The following PCDH11X variants were observed in gnomAD, a reference collection of about 807,000 sequenced individuals.
The protein encoded by PCDH11X is protocadherin 11 X-linked.
Under a neutral mutation model 53.3 loss-of-function variants are expected in PCDH11X, and 18 were observed. The observed-to-expected ratio is 0.34, with a 90% confidence interval of 0.23 to 0.50. The LOEUF (loss-of-function observed/expected upper bound fraction) is 0.50. Ranked by LOEUF, PCDH11X falls within the 20% of genes least tolerant of loss-of-function variation. The pLI, the probability that PCDH11X is intolerant of heterozygous loss-of-function variation, is 0.98. For synonymous variants in PCDH11X, 279 were observed against 393.3 expected, an observed-to-expected ratio of 0.71 and a Z score of 3.44; for missense variants, 570 against 1,032.4, an observed-to-expected ratio of 0.55 and a Z score of 6.14.
At chrX:92,527,047 T>C (rs1222630266) in intron 10 of PCDH11X, among the ~76,000 whole-genome samples, 1 of 111,613 alleles carries the variant, frequency 9.0e-6, no homozygotes, top group Non-Finnish European at 1.9e-5. Flanking sequence ...TCCCACTTTT[T>C]TGTGGGATCT....
chrX:91,963,848 A>C (rs1170412069), intron 6 of PCDH11X, among the ~76,000 whole-genome samples: 1 of 110,339 alleles, frequency 9.1e-6, no homozygotes, highest in Non-Finnish European at 1.9e-5. Context: ...CCTTCTTCAC[A>C]TGGTAACAGC....
intron 6 of PCDH11X, among the ~76,000 whole-genome samples, chrX:91,913,318 G>T (rs1436807455): frequency 9.0e-6 from 1 of 111,671 alleles, no homozygotes; most frequent in East Asian, 2.9e-4. Context: ...AGCCATGCTT[G>T]CTTTCCCAGT....
intron 6 of PCDH11X, among the ~76,000 whole-genome samples, chrX:91,928,704 A>G (rs1266576324): frequency 9.6e-6 from 1 of 104,693 alleles, no homozygotes. Flanking sequence ...TGGATAATAC[A>G]TGCCCTGAAA....
At chrX:92,361,176 C>T (rs1240257343) in intron 8 of PCDH11X, among the ~76,000 whole-genome samples, 1 of 109,730 alleles carries the variant, frequency 9.1e-6, no homozygotes, top group Non-Finnish European at 1.9e-5. Flanking sequence ...CTGAATCTTT[C>T]CTTTCACTGT....
chrX:91,782,689 C>T, intron 1 of PCDH11X, among the ~76,000 whole-genome samples: 1 of 109,575 alleles, frequency 9.1e-6, no homozygotes, highest in Admixed American at 9.6e-5. Flanking sequence ...AGGCTCTATC[C>T]ACTACTGCCA....
intron 10 of PCDH11X, among the ~76,000 whole-genome samples, chrX:92,484,121 A>ATATATG (rs1556444050): frequency 2.5e-4 from 20 of 80,992 alleles, no homozygotes; most frequent in African/African-American, 1.0e-3. Flanking sequence ...TATATATAGT[A>ATATATG]TATATATGTA....
rs929136421 is a variant in PCDH11X at position 92,399,594 on chromosome X, A to C, written c.3343+11661A>C. ...GGACTTTGAGATAAGTCTCATAGTA[A>C]AGTGCAGAAAAGCATTATAGAAAGT... On this transcript the variant is annotated intron_variant, in intron 9 of 10. Transcript: ENST00000682573. 4.5e-5 allele frequency among the ~76,000 whole-genome samples: 5 copies of C among 112,039 alleles called. No individual in the cohort carries two copies. In the Admixed American group the frequency reaches 4.7e-4, roughly 11 times the overall value.
chrX:91,923,822 A>G (rs1941836718), intron 6 of PCDH11X, among the ~76,000 whole-genome samples: 1 of 111,281 alleles, frequency 9.0e-6, no homozygotes, highest in Non-Finnish European at 1.9e-5. Flanking sequence ...GTTCTCACTT[A>G]TAAGTGGGAG....
chrX:91,828,689 G>A lies in PCDH11X; in HGVS notation c.-44-6772G>A, dbSNP rs1017787915. The stretch of plus-strand genomic sequence containing the variant: ...GTCGTAAGATTGGTTTTAAAAGGTT[G>A]CTATGTCATTTTTGCTTAGCGTTCT... On this transcript the variant is annotated intron_variant, in intron 4 of 10. Coordinates refer to ENST00000682573, the MANE Select transcript of PCDH11X (RefSeq NM_032968.5). Among the ~76,000 whole-genome samples the A allele has an allele frequency of 4.5e-5, 5 of 111,646 alleles. No homozygotes were observed. In the Admixed American group the frequency reaches 4.8e-4, roughly 11 times the overall value.
chrX:92,308,933 G>T lies in PCDH11X; in HGVS notation c.3144+45790G>T, dbSNP rs185751467. Among the ~76,000 whole-genome samples the T allele has an allele frequency of 6.1e-3, 668 of 109,702 alleles. 3 individuals are homozygous for T. The highest frequency in any genetic ancestry group is 0.021 in the African/African-American group (621 of 30,176). On this transcript the variant is annotated intron_variant, in intron 8 of 10. Coordinates refer to ENST00000682573, the MANE Select transcript of PCDH11X (RefSeq NM_032968.5). ...AAAATACAAATTAAAACCACAACAA[G>T]AAACCACTTCTCACCGATTCGAAAG... is the stretch of plus-strand genomic sequence containing the variant.
intron 7 of PCDH11X, among the ~76,000 whole-genome samples, chrX:92,220,956 A>T (rs1185106609): frequency 9.8e-6 from 1 of 102,383 alleles, no homozygotes; most frequent in Non-Finnish European, 2.0e-5. Context: ...AGAACAAAAA[A>T]CCAAACACCC....
intron 1 of PCDH11X, among the ~76,000 whole-genome samples, chrX:91,788,395 A>G (rs1435622641): frequency 7.1e-5 from 8 of 112,460 alleles, no homozygotes; most frequent in Non-Finnish European, 1.5e-4. Context: ...TTCAAGTATC[A>G]ATGCATTAAG....
intron 9 of PCDH11X, among the ~76,000 whole-genome samples, chrX:92,448,838 G>A (rs984639963): frequency 1.8e-5 from 2 of 111,273 alleles, no homozygotes; most frequent in Admixed American, 9.6e-5. Context: ...TCTTATAGCC[G>A]AAATTTTATT....
In PCDH11X at chrX:92,077,253, A is replaced by G. The variant is rs758333857; in HGVS notation, c.3034-124122A>G. Reference sequence around the variant, plus strand: ...CTGATTTTTTTTTCATAGCCTTCACATGATACCCGGAAAGTAGTAGGCAAT... The same window carrying G: ...CTGATTTTTTTTTCATAGCCTTCACGTGATACCCGGAAAGTAGTAGGCAAT... On this transcript the variant is annotated intron_variant, in intron 6 of 10. Coordinates refer to ENST00000682573, the MANE Select transcript of PCDH11X (RefSeq NM_032968.5). Among the ~76,000 whole-genome samples the G allele has an allele frequency of 6.4e-5, 7 of 109,254 alleles. No individual in the cohort carries two copies. The South Asian group carries it at 2.8e-3, about 44-fold the overall frequency. The allele number at this position is 109,254 out of a possible 115,157, so 94.9% of individuals were successfully genotyped here.
intron 6 of PCDH11X, among the ~76,000 whole-genome samples, chrX:92,034,414 G>T (rs2063097210): frequency 9.2e-6 from 1 of 108,349 alleles, no homozygotes; most frequent in African/African-American, 3.4e-5. Context: ...TATATATTTG[G>T]GTGCTCCAGC....
intron 10 of PCDH11X, among the ~76,000 whole-genome samples, chrX:92,520,045 A>T (rs1384581688): frequency 1.9e-5 from 2 of 107,274 alleles, no homozygotes; most frequent in Non-Finnish European, 3.9e-5. Flanking sequence ...TGTAAAAATA[A>T]TTCCAAGTAC....
intron 10 of PCDH11X, among the ~76,000 whole-genome samples, chrX:92,563,951 G>A (rs4020577): frequency 0.43 from 47,389 of 109,012 alleles, 7,620 homozygotes; most frequent in Admixed American, 0.5. Flanking sequence ...TCAGTATACA[G>A]AAATCAATAG....
chrX:92,334,466 C>G (rs768280778), intron 8 of PCDH11X, among the ~76,000 whole-genome samples: 7 of 111,684 alleles, frequency 6.3e-5, no homozygotes, highest in Non-Finnish European at 1.1e-4. Context: ...GAGCAGTTCT[C>G]TCTCTAGTAA....
intron 5 of PCDH11X, among the ~76,000 whole-genome samples, chrX:91,844,535 G>GT (rs1311054353): frequency 9.4e-6 from 1 of 106,214 alleles, no homozygotes; most frequent in Non-Finnish European, 1.9e-5. Flanking sequence ...CTTGTCTTTT[G>GT]TTTTTTCAAG....
Sources: gnomAD v4.1 joint callset for allele counts (sites outside exome capture counted in the v4.1 genomes callset) on GRCh38, gnomAD v4.1.1 for gene constraint, MANE v1.5 for transcripts, NCBI Gene and HGNC (gene_info 2026-07-23, HGNC 2026-07-21) for gene names.